Variants in THSD4 observed in about 807,000 individuals in gnomAD.
THSD4 encodes the protein thrombospondin type-1 domain-containing protein 4.
In THSD4, 69 loss-of-function variants were observed where a neutral mutation model predicts 119.0. The observed-to-expected ratio is 0.58, with a 90% CI of 0.48 to 0.71. The LOEUF (loss-of-function observed/expected upper bound fraction) is 0.71. Among genes scored for constraint, THSD4 ranks in the 30% least tolerant of loss-of-function variants. The pLI is 0.00. For synonymous variants in THSD4, 524 were observed against 540.4 expected (o/e 0.97, Z 0.42); for missense variants, 1,393 against 1,391.1 (o/e 1.00, Z -0.02).
chr15:71,362,632 C>A (rs2045906658), intron 6 of THSD4, among the ~76,000 whole-genome samples: 1 of 152,070 alleles, frequency 6.6e-6, no homozygotes, highest in South Asian at 2.1e-4. Flanking sequence ...TTTTAGTATT[C>A]TTGAACTATT....
chr15:71,341,034 T>G, intron 6 of THSD4: 7 of 702,456 alleles, frequency 1.0e-5, no homozygotes, highest in East Asian at 2.7e-5. Context: ...GTGTCTTGCA[T>G]TTCCTCTCTC....
chr15:71,468,718 A>G (rs2047533500), intron 7 of THSD4, among the ~76,000 whole-genome samples: 1 of 152,252 alleles, frequency 6.6e-6, no homozygotes, highest in African/African-American at 2.4e-5. Flanking sequence ...TGGTCTCCAC[A>G]TTACTGGACC....
At chr15:71,497,982 T>TA (rs1272323093) in intron 7 of THSD4, among the ~76,000 whole-genome samples, 1 of 152,202 alleles carries the variant, frequency 6.6e-6, no homozygotes, top group African/African-American at 2.4e-5. Context: ...ATGTTTGAGT[T>TA]AAAATGACAA....
intron 7 of THSD4, among the ~76,000 whole-genome samples, chr15:71,646,924 G>A (rs1176372785): frequency 6.6e-6 from 1 of 152,182 alleles, no homozygotes; most frequent in East Asian, 1.9e-4. Context: ...TTAAGTGATG[G>A]CTGACATCAG....
At chr15:71,747,575 G>A (rs1217375662) in intron 13 of THSD4, among the ~76,000 whole-genome samples, 1 of 152,198 alleles carries the variant, frequency 6.6e-6, no homozygotes, top group Non-Finnish European at 1.5e-5. Flanking sequence ...GAGGAGACGG[G>A]GACCCCTTGA....
intron 7 of THSD4, among the ~76,000 whole-genome samples, chr15:71,587,630 G>A (rs1414292934): frequency 2.5e-5 from 3 of 120,114 alleles, no homozygotes; most frequent in Non-Finnish European, 3.8e-5. Context: ...TGGTGGGGTC[G>A]GGGGAGAGGG....
chr15:71,361,848 C>T (rs1011594215), intron 6 of THSD4, among the ~76,000 whole-genome samples: 3 of 151,860 alleles, frequency 2.0e-5, no homozygotes, highest in Non-Finnish European at 4.4e-5. Flanking sequence ...CTGATCTGGA[C>T]GAGTCACCAA....
intron 7 of THSD4, among the ~76,000 whole-genome samples, chr15:71,413,026 T>A (rs1229742755): frequency 1.3e-5 from 2 of 152,200 alleles, no homozygotes; most frequent in African/African-American, 4.8e-5. Context: ...TATTTATTTT[T>A]TTGAGATGGA....
intron 3 of THSD4, among the ~76,000 whole-genome samples, chr15:71,163,582 C>T (rs2043265661): frequency 6.6e-6 from 1 of 151,978 alleles, no homozygotes. Flanking sequence ...TACTGAGATG[C>T]AAAGTTTAAG....
chr15:71,386,435 G>C lies in THSD4; in HGVS notation c.1016-25252G>C, dbSNP rs556139185. ...CAAAGCATGTGGAGAAGGCCAAGAG[G>C]GGGTTAGGGGAGGTGCTGCAAATAC... On this transcript the variant is annotated intron_variant, in intron 6 of 17. Transcript: ENST00000261862. Among the ~76,000 whole-genome samples, 348 of 152,244 alleles carry C rather than the reference G, an allele frequency of 2.3e-3. 2 individuals are homozygous for C. The highest frequency in any genetic ancestry group is 8.1e-3 in the African/African-American group (337 of 41,530).
chr15:71,486,077 G>A (rs2047811602), intron 7 of THSD4, among the ~76,000 whole-genome samples: 1 of 152,050 alleles, frequency 6.6e-6, no homozygotes, highest in Non-Finnish European at 1.5e-5. Context: ...TTTCAGTTTA[G>A]GGACATGTGG....
chr15:71,174,259 GCCAGACA>G (rs1268504099), intron 3 of THSD4, among the ~76,000 whole-genome samples: 1 of 152,180 alleles, frequency 6.6e-6, no homozygotes, highest in Non-Finnish European at 1.5e-5. Context: ...ACTAGGGAGT[GCCAGACA>G]GTGGGCGCAG....
In THSD4 at chr15:71,424,268, T is replaced by A. The variant is rs114799427; in HGVS notation, c.1152+12445T>A. Among the ~76,000 whole-genome samples, 999 of 152,278 alleles carry A rather than the reference T, an allele frequency of 6.6e-3. 16 individuals are homozygous for A. The highest frequency in any genetic ancestry group is 0.023 in the African/African-American group (968 of 41,548). ...CAGCCATCTTGCTCTGCTTCTCCTCTGCACTTTAGACCCGAGAGCTGAAAT... is the reference window on the plus strand; with the variant it reads ...CAGCCATCTTGCTCTGCTTCTCCTCAGCACTTTAGACCCGAGAGCTGAAAT... On this transcript the variant is annotated intron_variant, in intron 7 of 17. Transcript: ENST00000261862.
At chr15:71,199,612 GGT>G (rs1359991513) in intron 3 of THSD4, among the ~76,000 whole-genome samples, 3 of 143,920 alleles carry the variant, frequency 2.1e-5, no homozygotes, top group Non-Finnish European at 3.0e-5. Context: ...TGGTGTGTGT[GGT>G]GTGTGGGTGT....
intron 7 of THSD4, among the ~76,000 whole-genome samples, chr15:71,426,721 C>T (rs896264824): frequency 2.0e-5 from 3 of 152,012 alleles, no homozygotes; most frequent in African/African-American, 7.2e-5. Context: ...TATAAACACC[C>T]CAAGCAAACT....
chr15:71,647,577 CAG>C (rs781688983), intron 7 of THSD4, among the ~76,000 whole-genome samples: 1 of 152,206 alleles, frequency 6.6e-6, no homozygotes, highest in Non-Finnish European at 1.5e-5. Flanking sequence ...ATTCTGGTCT[CAG>C]AGAGCAAGCT....
chr15:71,315,443 C>T (rs994613944), intron 6 of THSD4, among the ~76,000 whole-genome samples: 1 of 152,172 alleles, frequency 6.6e-6, no homozygotes, highest in Non-Finnish European at 1.5e-5. Flanking sequence ...CATGACACTC[C>T]GTCTTCTCTA....
intron 7 of THSD4, among the ~76,000 whole-genome samples, chr15:71,633,512 C>T (rs191572382): frequency 3.4e-4 from 51 of 152,182 alleles, no homozygotes; most frequent in Non-Finnish European, 5.7e-4. Flanking sequence ...TGGGCTCAAA[C>T]GATCCACCTG....
intron 1 of THSD4, among the ~76,000 whole-genome samples, chr15:71,136,071 G>A (rs1276796861): frequency 3.2e-5 from 4 of 126,542 alleles, no homozygotes; most frequent in Non-Finnish European, 6.3e-5. Context: ...CCCAAACCCC[G>A]TTACTTATCC....
Sources: gnomAD v4.1 joint callset for allele counts (sites outside exome capture counted in the v4.1 genomes callset) on GRCh38, gnomAD v4.1.1 for gene constraint, MANE v1.5 for transcripts, NCBI Gene and HGNC (gene_info 2026-07-23, HGNC 2026-07-21) for gene names.